ANO3: variants seen among roughly 807,000 people sequenced by gnomAD.
ANO3 encodes the protein anoctamin-3.
ANO3 carries 99 observed loss-of-function variants against 144.8 expected under a neutral mutation model. The observed-to-expected ratio is 0.68, with a 90% CI of 0.58 to 0.81. The LOEUF (loss-of-function observed/expected upper bound fraction) is 0.81. ANO3 is among the 30% of genes least tolerant of loss of function. The pLI is 0.00. For synonymous variants in ANO3, 414 were observed against 392.6 expected, an observed-to-expected ratio of 1.05 and a Z score of -0.64; for missense variants, 905 against 1,202.2, an observed-to-expected ratio of 0.75 and a Z score of 3.66.
rs1163247313 is a variant in ANO3 at position 26,624,472 on chromosome 11, A to T, written c.1847A>T (p.Lys616Ile). The T allele has an allele frequency of 6.2e-7, 1 of 1,606,518 alleles. No homozygotes were observed. Among genetic ancestry groups the T allele is most frequent in the Non-Finnish European group, 8.5e-7 (1 of 1,174,050 alleles). Reference sequence around the variant, plus strand: ...TCTCTTTTATTACAGGCTTATGAAAAAATTGCTTACCTCCTCACCAATTTA... The same window carrying T: ...TCTCTTTTATTACAGGCTTATGAAATAATTGCTTACCTCCTCACCAATTTA... ...IIMLLNLAYE[K>I]IAYLLTNLEY... The change falls in exon 18 of 27, where the codon AAA becomes ATA. Residue 616 changes from lysine to isoleucine, a missense_variant. Around this residue, in one of 4 missense-constraint regions of ANO3, gnomAD observed 597 missense variants for 865.1 expected, o/e 0.69. Coordinates refer to ENST00000256737, the MANE Select transcript of ANO3 (RefSeq NM_031418.4).
At chr11:26,658,252 T>G (rs1390511351) in intron 26 of ANO3, among the ~76,000 whole-genome samples, 1 of 152,176 alleles carries the variant, frequency 6.6e-6, no homozygotes, top group African/African-American at 2.4e-5. Flanking sequence ...CCATTTAGAA[T>G]GAGTTGAATA....
intron 1 of ANO3, among the ~76,000 whole-genome samples, chr11:26,209,206 T>C (rs1851880413): frequency 6.6e-6 from 1 of 152,204 alleles, no homozygotes; most frequent in African/African-American, 2.4e-5. Flanking sequence ...CCATGTATTC[T>C]CATTGTTCAA....
At chr11:26,344,487 T>C (rs1855449892) in intron 1 of ANO3, among the ~76,000 whole-genome samples, 1 of 150,370 alleles carries the variant, frequency 6.7e-6, no homozygotes, top group African/African-American at 2.4e-5. Context: ...TGCCTCAGCC[T>C]CCCGAGTAGC....
intron 1 of ANO3, among the ~76,000 whole-genome samples, chr11:26,214,106 C>A (rs7939607): frequency 0.3 from 45,352 of 151,634 alleles, 7,601 homozygotes; most frequent in Non-Finnish European, 0.37. Context: ...CACTGATTTC[C>A]AAATATTTTT....
At chr11:26,262,817 G>T (rs1012732338) in intron 1 of ANO3, among the ~76,000 whole-genome samples, 2 of 151,990 alleles carry the variant, frequency 1.3e-5, no homozygotes, top group African/African-American at 2.4e-5. Flanking sequence ...AAACCAGGAA[G>T]TGTGCCCTCC....
intron 1 of ANO3, among the ~76,000 whole-genome samples, chr11:26,190,446 T>G (rs1197200456): frequency 6.6e-6 from 1 of 152,182 alleles, no homozygotes; most frequent in Non-Finnish European, 1.5e-5. Flanking sequence ...TCTTCTAAAA[T>G]TGAGACTTAC....
chr11:26,465,017 G>A (rs1258713725), intron 4 of ANO3, among the ~76,000 whole-genome samples: 1 of 151,374 alleles, frequency 6.6e-6, no homozygotes, highest in African/African-American at 2.4e-5. Context: ...TTTGTCACAG[G>A]AAACCTCAAA....
At chr11:26,563,279 A>T in intron 14 of ANO3, 1 of 1,580,126 alleles carries the variant, frequency 6.3e-7, no homozygotes, top group Non-Finnish European at 8.6e-7. Flanking sequence ...CAGGACAAAA[A>T]AAATTTAAAG....
At chr11:26,627,239 C>T (rs978823156) in intron 18 of ANO3, among the ~76,000 whole-genome samples, 5 of 151,872 alleles carry the variant, frequency 3.3e-5, no homozygotes, top group Admixed American at 1.3e-4. Context: ...TTTGGATTGC[C>T]GCATCATGAC....
rs372926225 is a variant in ANO3 at position 26,283,941 on chromosome 11, C to A, written c.155-25704C>A. ...CTGATACCTGCAAGATGCACCAGAA[C>A]AAGACACATGAAAAATGAGAAAAGC... On this transcript the variant is annotated intron_variant, in intron 1 of 27. Transcript: ENST00000672621. Among the ~76,000 whole-genome samples, 115 of 152,240 alleles carry A rather than the reference C, an allele frequency of 7.6e-4. 3 individuals are homozygous for A. In the East Asian group the frequency reaches 0.016, roughly 21 times the overall value.
At chr11:26,223,893 A>G (rs1852202447) in intron 1 of ANO3, among the ~76,000 whole-genome samples, 1 of 152,144 alleles carries the variant, frequency 6.6e-6, no homozygotes, top group African/African-American at 2.4e-5. Flanking sequence ...GGATAGCACC[A>G]AGGCATTCAT....
intron 14 of ANO3, among the ~76,000 whole-genome samples, chr11:26,575,042 A>G (rs1445956792): frequency 6.6e-6 from 1 of 152,136 alleles, no homozygotes; most frequent in African/African-American, 2.4e-5. Context: ...GAATTGAATG[A>G]TAAGACTATA....
intron 24 of ANO3, among the ~76,000 whole-genome samples, chr11:26,654,263 C>A (rs79570279): frequency 0.16 from 24,609 of 151,988 alleles, 2,297 homozygotes; most frequent in East Asian, 0.33. Flanking sequence ...TTTATTTAAG[C>A]GTTCGTTGAA....
chr11:26,538,263 G>A (rs1372336480), intron 10 of ANO3, among the ~76,000 whole-genome samples: 2 of 152,106 alleles, frequency 1.3e-5, no homozygotes, highest in African/African-American at 4.8e-5. Flanking sequence ...TTTGTATATA[G>A]GTAACTGAGG....
At chr11:26,599,481 C>G in intron 16 of ANO3, 69 bp from the exon 17 acceptor site, 1 of 1,477,160 alleles carries the variant, frequency 6.8e-7, no homozygotes, top group East Asian at 2.3e-5. Flanking sequence ...TAGATTTGAT[C>G]TACGGTTTTG....
chr11:26,567,738 T>C (rs967886509), intron 14 of ANO3, among the ~76,000 whole-genome samples: 4 of 152,094 alleles, frequency 2.6e-5, no homozygotes, highest in Admixed American at 2.0e-4. Flanking sequence ...AGAACATTCA[T>C]AGCGGCATTA....
chr11:26,454,297 T>C (rs1362598198), intron 3 of ANO3, among the ~76,000 whole-genome samples: 2 of 152,132 alleles, frequency 1.3e-5, no homozygotes, highest in Admixed American at 6.6e-5. Flanking sequence ...AGCTGGTTTT[T>C]TGAAAGGATC....
At chr11:26,202,894 T>C (rs1851725657) in intron 1 of ANO3, among the ~76,000 whole-genome samples, 1 of 152,112 alleles carries the variant, frequency 6.6e-6, no homozygotes, top group South Asian at 2.1e-4. Flanking sequence ...CAGGGATCAT[T>C]TCTGATTTAC....
intron 1 of ANO3, among the ~76,000 whole-genome samples, chr11:26,238,120 G>A (rs2133808582): frequency 6.6e-6 from 1 of 152,170 alleles, no homozygotes; most frequent in Admixed American, 6.5e-5. Flanking sequence ...ATAAAATTGT[G>A]TGTGTGCATG....
Sources: allele counts gnomAD v4.1 joint callset (sites outside exome capture counted in the v4.1 genomes callset), GRCh38; gene constraint gnomAD v4.1.1; regional missense constraint gnomAD v4.1.1; transcripts MANE v1.5; gene names NCBI Gene and HGNC (gene_info 2026-07-23, HGNC 2026-07-21).